Variants in SBF2 observed in about 807,000 individuals in gnomAD.
The protein encoded by SBF2 is SET binding factor 2, also known as myotubularin-related protein 13.
SBF2 carries 112 observed loss-of-function variants against 225.2 expected under a neutral mutation model. The ratio of observed to expected loss-of-function variants is 0.50; its 90% CI spans 0.43 to 0.58. The LOEUF is 0.58. SBF2 is among the 20% of genes least tolerant of loss of function. The pLI is 0.00. For missense variants in SBF2, 1,996 were observed against 2,206.2 expected (o/e 0.90, Z 1.91); for synonymous variants, 763 against 773.3 (o/e 0.99, Z 0.22).
chr11:9,969,832 C>T (rs895788178), intron 13 of SBF2, among the ~76,000 whole-genome samples: 5 of 152,178 alleles, frequency 3.3e-5, no homozygotes, highest in African/African-American at 9.6e-5. Context: ...TGAGAGTAGA[C>T]GTATACCTAC....
intron 2 of SBF2, among the ~76,000 whole-genome samples, chr11:10,065,177 AAAG>A (rs1234161687): frequency 1.3e-5 from 2 of 152,226 alleles, no homozygotes; most frequent in Admixed American, 6.5e-5. Flanking sequence ...CTCATAAACC[AAAG>A]AAGAAGTCAA....
intron 6 of SBF2, among the ~76,000 whole-genome samples, chr11:10,009,943 T>C (rs1590746814): frequency 6.6e-6 from 1 of 152,356 alleles, no homozygotes; most frequent in Admixed American, 6.5e-5. Context: ...TGACTGCCAT[T>C]GTAGCTGGCA....
chr11:10,036,739 G>A (rs960446585), intron 3 of SBF2, among the ~76,000 whole-genome samples: 15 of 152,054 alleles, frequency 9.9e-5, no homozygotes, highest in Non-Finnish European at 1.9e-4. Flanking sequence ...ACTCTTATAT[G>A]TAACCTTTAT....
chr11:9,969,345 C>T (rs1439835875), intron 13 of SBF2, among the ~76,000 whole-genome samples: 1 of 152,198 alleles, frequency 6.6e-6, no homozygotes, highest in African/African-American at 2.4e-5. Flanking sequence ...CTTCATTCAA[C>T]ACTGCAGACT....
At position 10,223,714 on chromosome 11, in the gene SBF2, A is replaced by G. The variant is rs140035213; in HGVS notation, c.56-29727T>C. On this transcript the variant is annotated intron_variant, in intron 1 of 39. Coordinates refer to ENST00000256190, the MANE Select transcript of SBF2 (RefSeq NM_030962.4). ...AGCATCGCTAGTGGCACTGTGTATG[A>G]GTCCCATAGTGTTATTCAACTAAAC... Among the ~76,000 whole-genome samples the G allele has an allele frequency of 1.2e-3, 185 of 152,044 alleles. 1 individual carries two copies. The highest frequency in any genetic ancestry group is 3.6e-3 in the African/African-American group (149 of 41,502).
Position 9,967,371 on chromosome 11 carries a change from C to CA in SBF2, c.1600+969dup, listed in dbSNP as rs35271700. Among the ~76,000 whole-genome samples the CA allele has an allele frequency of 9.2e-3, 950 of 103,608 alleles. 2 individuals carry two copies. Among genetic ancestry groups the CA allele is most frequent in the Middle Eastern group, 0.036 (7 of 196 alleles). 68.0% of individuals were successfully genotyped at this position (103,608 alleles called of 152,430 possible). The stretch of plus-strand genomic sequence containing the variant: ...TGGGTGACAGAGCGAGACTCCGTCT[C>CA]AAAAAAAAAAAAAAAAGAAACGAAA... On this transcript the variant is annotated intron_variant, in intron 14 of 39. Transcript: ENST00000256190.
In SBF2 at chr11:10,003,805, A is replaced by G. The variant is rs545059070; in HGVS notation, c.620-1116T>C. ...GGCAACTCTAGAAAATACGATATAC[A>G]TACTTATGAAATTGAAGTTATATAT... On this transcript the variant is annotated intron_variant, in intron 6 of 39. Transcript: ENST00000256190. Among the ~76,000 whole-genome samples the G allele has an allele frequency of 7.2e-5, 11 of 152,172 alleles. No individual in the cohort carries two copies. In the East Asian group the frequency reaches 1.7e-3, roughly 24 times the overall value.
intron 2 of SBF2, chr11:10,149,159 G>A (rs1322193342): frequency 6.6e-6 from 1 of 152,060 alleles, no homozygotes; most frequent in Non-Finnish European, 1.5e-5. Context: ...TTATTTTTTT[G>A]CTTCTTTTCC....
chr11:10,296,008 A>G (rs1309266993), upstream of SBF2, among the ~76,000 whole-genome samples: 1 of 152,138 alleles, frequency 6.6e-6, no homozygotes, highest in Non-Finnish European at 1.5e-5. Context: ...TCATCACCCA[A>G]AAGAAAACCT....
intron 1 of SBF2, among the ~76,000 whole-genome samples, chr11:10,290,354 A>T: frequency 6.6e-6 from 1 of 152,074 alleles, no homozygotes; most frequent in East Asian, 1.9e-4. Flanking sequence ...GCACTGGGGT[A>T]CAACAGAGTG....
intron 8 of SBF2, among the ~76,000 whole-genome samples, chr11:10,000,192 T>TA (rs1288874471): frequency 2.0e-5 from 3 of 152,218 alleles, no homozygotes; most frequent in African/African-American, 7.2e-5. Flanking sequence ...CTTTTAGAGT[T>TA]ACAAAAAATG....
At chr11:10,026,381 A>G (rs1949054911) in intron 6 of SBF2, among the ~76,000 whole-genome samples, 1 of 152,162 alleles carries the variant, frequency 6.6e-6, no homozygotes, top group African/African-American at 2.4e-5. Flanking sequence ...AAAATCAATT[A>G]AGTCAATGGT....
chr11:10,183,797 T>C (rs927347298), intron 2 of SBF2, among the ~76,000 whole-genome samples: 4 of 152,052 alleles, frequency 2.6e-5, no homozygotes, highest in African/African-American at 7.2e-5. Flanking sequence ...TTTGAGCTCA[T>C]AGAAGCAGAG....
chr11:10,042,050 A>G (rs1949676046), intron 3 of SBF2, among the ~76,000 whole-genome samples: 1 of 152,206 alleles, frequency 6.6e-6, no homozygotes, highest in Non-Finnish European at 1.5e-5. Context: ...AGACTAAAGC[A>G]GAAGTCAGCA....
chr11:10,138,850 T>C (rs1288664676), intron 2 of SBF2, among the ~76,000 whole-genome samples: 1 of 152,176 alleles, frequency 6.6e-6, no homozygotes, highest in Non-Finnish European at 1.5e-5. Context: ...GTTCAGACTA[T>C]GGTCTGTCTT....
In SBF2 at chr11:10,050,599, T is replaced by C. The variant is rs1468719895; in HGVS notation, c.142-7618A>G. Among the ~76,000 whole-genome samples the C allele has an allele frequency of 2.0e-5, 3 of 152,178 alleles. No homozygotes were observed. The East Asian group carries it at 5.8e-4, about 29-fold the overall frequency. On this transcript the variant is annotated intron_variant, in intron 2 of 39. Coordinates refer to ENST00000256190, the MANE Select transcript of SBF2 (RefSeq NM_030962.4). ...TCTCTCTCAAAATGTATTATTGTAT[T>C]ATACTTGCCCTTCTTATGATAATGT...
At chr11:9,988,966 G>C (rs1459646287) in intron 13 of SBF2, among the ~76,000 whole-genome samples, 1 of 151,998 alleles carries the variant, frequency 6.6e-6, no homozygotes, top group Non-Finnish European at 1.5e-5. Context: ...GTTTACAGCA[G>C]CACAATTCAC....
intron 2 of SBF2, among the ~76,000 whole-genome samples, chr11:10,147,308 G>A (rs2135158128): frequency 6.6e-6 from 1 of 152,198 alleles, no homozygotes; most frequent in East Asian, 1.9e-4. Flanking sequence ...GCAAAGAGAT[G>A]AAGTCAACCT....
intron 1 of SBF2, among the ~76,000 whole-genome samples, chr11:10,226,346 ATAGTTT>A (rs1423870100): frequency 2.0e-5 from 3 of 152,084 alleles, no homozygotes; most frequent in Middle Eastern, 3.2e-3. Context: ...TATTATTATT[ATAGTTT>A]AAGTTTTAGG....
Sources: gnomAD v4.1 joint callset for allele counts (sites outside exome capture counted in the v4.1 genomes callset) on GRCh38, gnomAD v4.1.1 for gene constraint, MANE v1.5 for transcripts, NCBI Gene and HGNC (gene_info 2026-07-23, HGNC 2026-07-21) for gene names.